The following METTL22 variants were observed in gnomAD, a reference collection of about 807,000 sequenced individuals.
The protein encoded by METTL22 is methyltransferase-like protein 22.
METTL22 carries 51 observed loss-of-function variants against 48.4 expected under a neutral mutation model. The ratio of observed to expected loss-of-function variants is 1.05; its 90% CI spans 0.84 to 1.33. The LOEUF (loss-of-function observed/expected upper bound fraction) is 1.33, where lower values mean the gene tolerates loss of function less well. Among genes scored for constraint, METTL22 ranks in the 40% most tolerant of loss-of-function variants. The probability of loss-of-function intolerance (pLI) is 0.00; values close to 1 mark genes in which losing one functional copy is unlikely to be tolerated. For synonymous variants in METTL22, 255 were observed against 214.1 expected (o/e 1.19, Z -1.67); for missense variants, 678 against 526.9 (o/e 1.29, Z -2.81).
intron 2 of METTL22, 74 bp from the exon 3 acceptor site, chr16:8,628,656 T>A (rs889188031): frequency 8.6e-6 from 13 of 1,519,478 alleles, no homozygotes; most frequent in Non-Finnish European, 1.1e-5. Context: ...AATCAGATAT[T>A]CTCAAAGAAG....
chr16:8,622,385 C>T (rs1051558123), intron 1 of METTL22, among the ~76,000 whole-genome samples: 1 of 152,190 alleles, frequency 6.6e-6, no homozygotes, highest in African/African-American at 2.4e-5. Flanking sequence ...GGTAGCGTCT[C>T]AGTCTAGCCC....
chr16:8,639,103 A>T lies in METTL22; in HGVS notation c.713A>T (p.Asp238Val). 1.2e-6 allele frequency: 2 copies of T among 1,613,996 alleles called. No individual in the cohort carries two copies. Among genetic ancestry groups the T allele is most frequent in the Non-Finnish European group, 1.7e-6 (2 of 1,180,012 alleles). The change falls in exon 6 of 11, where the codon GAT becomes GTT. Residue 238 changes from aspartate (D) to valine (V), a missense_variant. Physicochemically the swap from Asp to Val is radical, Grantham distance 152 (BLOSUM62 -3). Coordinates refer to ENST00000381920, the MANE Select transcript of METTL22 (RefSeq NM_024109.4). The part of the protein sequence containing the change: ...RTVYCTDVGA[D>V]LLSMCQRNIA... ...TCTGTCATTCCAGATGTCGGTGCAG[A>T]TCTCTTGTCCATGTGCCAGCGAAAC...
chr16:8,642,281 C>G (rs1161083219), intron 8 of METTL22, 74 bp downstream of exon 8: 4 of 1,399,932 alleles, frequency 2.9e-6, no homozygotes, highest in African/African-American at 2.8e-5. Context: ...TCCTCACTTC[C>G]CCCGGGAGTT....
chr16:8,633,788 A>G (rs1260879712), intron 3 of METTL22, among the ~76,000 whole-genome samples: 1 of 152,260 alleles, frequency 6.6e-6, no homozygotes, highest in African/African-American at 2.4e-5. Context: ...CCAGTGCCTC[A>G]TGCAGAGAAG....
intron 8 of METTL22, 51 bp from the exon 9 acceptor site, chr16:8,642,412 C>G (rs768558488): frequency 8.4e-5 from 131 of 1,558,454 alleles, no homozygotes; most frequent in Admixed American, 1.5e-4. Context: ...AAGTCGATTT[C>G]TGTAATATTT....
chr16:8,652,458 CAAAAAAAAAA>C (rs3058559), downstream of METTL22, among the ~76,000 whole-genome samples: 6 of 46,166 alleles, frequency 1.3e-4, no homozygotes, highest in South Asian at 3.9e-3. Context: ...GACTCCGTCT[CAAAAAAAAAA>C]AAAAAAAAAA....
intron 9 of METTL22, 22 bp from the exon 10 acceptor site, chr16:8,644,535 C>T (rs1194955488): frequency 5.9e-6 from 9 of 1,523,804 alleles, no homozygotes; most frequent in African/African-American, 1.4e-5. Context: ...GCAGTTTGTG[C>T]GTCCGACTGG....
At chr16:8,652,863 C>T (rs1192925228), downstream of METTL22, among the ~76,000 whole-genome samples, 1 of 152,088 alleles carries the variant, frequency 6.6e-6, no homozygotes, top group African/African-American at 2.4e-5. Flanking sequence ...AGCCATGTGT[C>T]CCCTGAATGG....
chr16:8,646,995 G>A lies in METTL22; in HGVS notation c.*852G>A. The A allele has an allele frequency of 3.1e-6, 1 of 323,070 alleles. No homozygotes were observed. Among genetic ancestry groups the A allele is most frequent in the Middle Eastern group, 1.1e-3 (1 of 944 alleles). The allele number at this position is 323,070 out of a possible 1,614,324, so 20.0% of individuals were successfully genotyped here. A position where few individuals can be genotyped will look rare whatever the true frequency, so the allele number is the denominator to read the frequency against. ...TCTCCAGTTTTGGTCCCATCTTCCT[G>A]CTACCCTTGGCCCTCCCTGCAGCCC... is the stretch of plus-strand genomic sequence containing the variant. On this transcript the variant is annotated 3_prime_UTR_variant, in exon 11 of 11. Transcript: ENST00000381920.
rs2056019186 is a variant in METTL22, at chr16:8,625,611, AC to A, written c.-52del. On this transcript the variant is annotated 5_prime_UTR_variant, in exon 2 of 11. An upstream open reading frame in the 5' UTR loses its in-frame stop. Transcript: ENST00000381920. ...TCCTCTGGGACCTGCCATGCTGAGG[AC>A]CCATTCTCACCTCTGAGGGACTCCT... The A allele has an allele frequency of 1.3e-6, 2 of 1,597,808 alleles. No individual in the cohort carries two copies. The highest frequency in any genetic ancestry group is 1.7e-6 in the Non-Finnish European group (2 of 1,168,762).
At chr16:8,644,918 C>G in intron 10 of METTL22, 193 bp downstream of exon 10, 1 of 535,500 alleles carries the variant, frequency 1.9e-6, no homozygotes. Context: ...TAGCAGCCAC[C>G]ATGTCTGGAG....
chr16:8,660,720 T>G, the METTL22 span, among the ~76,000 whole-genome samples: 3 of 145,602 alleles, frequency 2.1e-5, no homozygotes, highest in East Asian at 4.1e-4. Flanking sequence ...GCTGGAAGAG[T>G]GTGAATGAGG....
chr16:8,642,098 G>A lies in METTL22; in HGVS notation c.827-29G>A, dbSNP rs1317218758. ...TGGTGGCCAGGAGAGAAGGCAATGG[G>A]CACAAAGTGTGCTTTTGTTCTTTCT... On this transcript the variant is annotated intron_variant, in intron 7 of 10. Transcript: ENST00000381920. 7.0e-6 allele frequency: 11 copies of A among 1,571,112 alleles called. 1 individual carries two copies. Among genetic ancestry groups the A allele is most frequent in the Non-Finnish European group, 9.6e-6 (11 of 1,140,706 alleles).
rs1478332709 is a variant in METTL22 at position 8,642,185 on chromosome 16, C to T, written c.885C>T (p.Thr295=). The part of the protein sequence containing the change: ...QEEISDLYDH[T]TILFAAEVFY... Reference sequence around the variant, plus strand: ...AAATTTCTGACTTGTACGATCACACCACCATCCTGTTTGCAGCCGAAGGTA... The same window carrying T: ...AAATTTCTGACTTGTACGATCACACTACCATCCTGTTTGCAGCCGAAGGTA... The change falls in exon 8 of 11, where the codon ACC becomes ACT. Residue 295 remains threonine, a synonymous_variant. Coordinates refer to ENST00000381920, the MANE Select transcript of METTL22 (RefSeq NM_024109.4). 1 of 1,613,570 alleles carries T rather than the reference C, an allele frequency of 6.2e-7. No homozygotes were observed. The highest frequency in any genetic ancestry group is 2.2e-5 in the East Asian group (1 of 44,882).
At chr16:8,642,285 G>T in intron 8 of METTL22, 78 bp downstream of exon 8, 2 of 1,391,140 alleles carry the variant, frequency 1.4e-6, no homozygotes, top group African/African-American at 2.8e-5. Context: ...CACTTCCCCC[G>T]GGAGTTCAGT....
intron 4 of METTL22, 44 bp downstream of exon 4, chr16:8,635,123 G>A (rs1262962524): frequency 2.5e-6 from 4 of 1,613,948 alleles, no homozygotes; most frequent in Admixed American, 1.7e-5. Flanking sequence ...ATGGGTCCCT[G>A]CAGAGCCTCA....
At chr16:8,622,014 G>A (rs541091183) in intron 1 of METTL22, among the ~76,000 whole-genome samples, 1 of 152,342 alleles carries the variant, frequency 6.6e-6, no homozygotes, top group African/African-American at 2.4e-5. Context: ...TAGGAAGGGA[G>A]GGCAGTGCCC....
In METTL22 at chr16:8,649,083, T is replaced by G. The variant is rs558982608; in HGVS notation, c.*2940T>G. On this transcript the variant is annotated 3_prime_UTR_variant, in exon 11 of 11. Transcript: ENST00000381920. ...TACGTCAGCACTAATGGTGACAATT[T>G]CCTAGCACTCCTGGGTACAAGTCCA... The G allele has an allele frequency of 6.6e-6, 1 of 152,220 alleles. No individual in the cohort carries two copies. The highest frequency in any genetic ancestry group is 1.5e-5 in the Non-Finnish European group (1 of 68,054). 9.4% of individuals were successfully genotyped at this position (152,220 alleles called of 1,614,324 possible). A position where few individuals can be genotyped will look rare whatever the true frequency, so the allele number is the denominator to read the frequency against.
chr16:8,630,830 T>A (rs1163036449), intron 3 of METTL22, among the ~76,000 whole-genome samples: 2 of 151,924 alleles, frequency 1.3e-5, no homozygotes, highest in Admixed American at 1.3e-4. Flanking sequence ...CGGAGGAGAG[T>A]GGAATGGTAG....
Sources: gnomAD v4.1 joint callset for allele counts (sites outside exome capture counted in the v4.1 genomes callset) on GRCh38, gnomAD v4.1.1 for gene constraint, MANE v1.5 for transcripts, NCBI Gene and HGNC (gene_info 2026-07-23, HGNC 2026-07-21) for gene names.